Variants in SERHL2 observed in about 807,000 individuals in gnomAD.
The protein encoded by SERHL2 is serine hydrolase-like protein 2.
In SERHL2, 29 loss-of-function variants were observed where a neutral mutation model predicts 25.5. That is an observed-to-expected ratio of 1.14 (90% CI 0.85 to 1.55). The LOEUF (loss-of-function observed/expected upper bound fraction) is 1.55. SERHL2 is among the 40% of genes most tolerant of loss of function. SERHL2 has a pLI of 0.00. For synonymous variants in SERHL2, 95 were observed against 103.5 expected (o/e 0.92, Z 0.50); for missense variants, 240 against 252.3 (o/e 0.95, Z 0.33).
chr22:42,560,346 G>C (rs1922534314), intron 8 of SERHL2, 81 bp downstream of exon 8: 1 of 1,051,592 alleles, frequency 9.5e-7, no homozygotes, highest in East Asian at 2.4e-5. Context: ...CTTAGACCAG[G>C]CAGGATACTA....
In SERHL2 at chr22:42,571,424, C is replaced by T. The variant is rs1024857909; in HGVS notation, c.731+221C>T. 3.6e-6 allele frequency: 5 copies of T among 1,386,580 alleles called. No homozygotes were observed. The East Asian group carries it at 1.5e-4, about 41-fold the overall frequency. 85.9% of individuals were successfully genotyped at this position (1,386,580 alleles called of 1,614,324 possible). A position where few individuals can be genotyped will look rare whatever the true frequency, so the allele number is the denominator to read the frequency against. ...GCAGCAGGGGATGGGCCGGGGCTGTCCCATGCCTTTCCACAGGTGTCAGCG... is the reference window on the plus strand; with the variant it reads ...GCAGCAGGGGATGGGCCGGGGCTGTTCCATGCCTTTCCACAGGTGTCAGCG... On this transcript the variant is annotated intron_variant, in intron 10 of 11. Transcript: ENST00000327678.
At chr22:42,572,689 C>T in intron 11 of SERHL2, 160 bp downstream of exon 11, 1 of 984,702 alleles carries the variant, frequency 1.0e-6, no homozygotes, top group Non-Finnish European at 1.2e-6. Context: ...TGTGGTCAGT[C>T]CCTAGAGGCC....
intron 6 of SERHL2, among the ~76,000 whole-genome samples, chr22:42,557,637 T>A (rs2146673062): frequency 2.9e-5 from 1 of 34,296 alleles, no homozygotes; most frequent in African/African-American, 5.9e-5. Context: ...TGTCACCACA[T>A]CCCCAATCCT....
chr22:42,572,891 A>C (rs1924433829), intron 11 of SERHL2: 9 of 234,692 alleles, frequency 3.8e-5, no homozygotes, highest in Non-Finnish European at 4.9e-5. Flanking sequence ...GCTGGTCTCA[A>C]ACTCCTGACC....
At chr22:42,554,572 A>G (rs1322917231) in intron 1 of SERHL2, among the ~76,000 whole-genome samples, 2 of 152,140 alleles carry the variant, frequency 1.3e-5, no homozygotes, top group East Asian at 1.9e-4. Context: ...TTTTACAGGA[A>G]AGGAAACAGG....
chr22:42,569,689 A>C (rs1218312478), intron 9 of SERHL2: 1 of 151,902 alleles, frequency 6.6e-6, no homozygotes, highest in Non-Finnish European at 1.5e-5. Context: ...CTGACATATG[A>C]GAACACGCAG....
At chr22:42,571,349 C>G in intron 10 of SERHL2, 146 bp downstream of exon 10, 7 of 1,482,440 alleles carry the variant, frequency 4.7e-6, no homozygotes, top group Middle Eastern at 4.5e-4. Context: ...GGAAGCCCCC[C>G]TGGCAGCAGG....
chr22:42,571,203 A>G lies in SERHL2; in HGVS notation c.731A>G (p.Lys244Arg), dbSNP rs1427653429. 2.5e-6 allele frequency: 4 copies of G among 1,603,736 alleles called. No individual in the cohort carries two copies. Among genetic ancestry groups the G allele is most frequent in the Non-Finnish European group, 2.6e-6 (3 of 1,172,134 alleles). The change falls in exon 10 of 12, where the codon AAA becomes AGA. Residue 244 changes from lysine to arginine, a missense_variant and splice_region_variant. Transcript: ENST00000327678. ...CTGCAGGCCCATGTCCTGTTGATCA[A>G]GTAAGTCTGGACCCATCCCCTTCAG... Reference protein sequence around the residue: ...RKLQAHVLLIKAVHGYFDSRQ... With the variant: ...RKLQAHVLLIRAVHGYFDSRQ...
At position 42,566,284 on chromosome 22, in the gene SERHL2, C is replaced by G. The variant is rs775609800; in HGVS notation, c.614-20C>G. 6.2e-7 allele frequency: 1 copy of G among 1,610,640 alleles called. No homozygotes were observed. The stretch of plus-strand genomic sequence containing the variant: ...TGATGGACAGCATTGACGCTGCTGT[C>G]TTTGTGCTTCCGCCTCCAGGTCTGG... On this transcript the variant is annotated intron_variant, in intron 8 of 11. Transcript: ENST00000327678.
At chr22:42,570,901 A>G (rs973991232) in intron 9 of SERHL2, among the ~76,000 whole-genome samples, 1 of 152,006 alleles carries the variant, frequency 6.6e-6, no homozygotes, top group Non-Finnish European at 1.5e-5. Flanking sequence ...CCACGAGCCC[A>G]GGAAGAAGGG....
intron 11 of SERHL2, chr22:42,573,728 G>C (rs1170202612): frequency 3.2e-6 from 2 of 625,020 alleles, no homozygotes; most frequent in African/African-American, 3.7e-5. Context: ...ACCCCTGGGA[G>C]GCCTCCAAGT....
intron 11 of SERHL2, 62 bp downstream of exon 11, chr22:42,572,591 C>G (rs192274851): frequency 1.9e-6 from 3 of 1,586,102 alleles, no homozygotes; most frequent in East Asian, 2.3e-5. Flanking sequence ...CCCACCTCAC[C>G]CATCTCTTCT....
intron 9 of SERHL2, among the ~76,000 whole-genome samples, chr22:42,570,554 C>G (rs1379165358): frequency 2.6e-5 from 4 of 152,206 alleles, no homozygotes; most frequent in Admixed American, 2.6e-4. Context: ...ACACCTACAG[C>G]ACATCTCACT....
chr22:42,561,707 C>T (rs1176531687), intron 8 of SERHL2, among the ~76,000 whole-genome samples: 3 of 151,934 alleles, frequency 2.0e-5, no homozygotes, highest in Admixed American at 1.3e-4. Flanking sequence ...CAGAAATGGA[C>T]AGCATCCCCC....
intron 9 of SERHL2, among the ~76,000 whole-genome samples, chr22:42,566,926 G>A (rs1051380995): frequency 6.6e-6 from 1 of 152,222 alleles, no homozygotes; most frequent in African/African-American, 2.4e-5. Context: ...CCCTCTCTGA[G>A]CCTTGGTTGT....
chr22:42,572,582 C>A, intron 11 of SERHL2, 53 bp downstream of exon 11: 1 of 1,593,326 alleles, frequency 6.3e-7, no homozygotes, highest in Non-Finnish European at 8.6e-7. Context: ...CACTCTGGTC[C>A]CACCTCACCC....
chr22:42,566,549 C>G (rs895405148), intron 9 of SERHL2, among the ~76,000 whole-genome samples: 1 of 144,896 alleles, frequency 6.9e-6, no homozygotes, highest in Non-Finnish European at 1.5e-5. Flanking sequence ...GAGCGAGACT[C>G]CATCTCAAGA....
chr22:42,571,944 CGGGGGGTGGGGTGG>C (rs1924271896), intron 10 of SERHL2: 1 of 11,850 alleles, frequency 8.4e-5, no homozygotes, highest in Admixed American at 9.4e-4. Flanking sequence ...GGGCGGGGGG[CGGGGGGTGGGGTGG>C]GGTGTGTGTG....
Position 42,560,220 on chromosome 22 carries a change from T to G in SERHL2, c.568T>G (p.Cys190Gly), listed in dbSNP as rs367748289. The change falls in exon 8 of 12, where the codon TGC (cysteine) becomes GGC (glycine). Residue 190 changes from cysteine to glycine, a missense_variant. Around this residue, in one of 4 missense-constraint regions of SERHL2, gnomAD observed 212 missense variants for 168.9 expected, o/e 1.25. Transcript: ENST00000327678. ...GAGCAATAGCCACTTGAGTGAGGAGTGCGGGGAGCTTCTCCTGCAAAGAGG... is the reference window on the plus strand; with the variant it reads ...GAGCAATAGCCACTTGAGTGAGGAGGGCGGGGAGCTTCTCCTGCAAAGAGG... ...LKSNSHLSEE[C>G]GELLLQRGTT... is the part of the protein sequence containing the mutation. 6 of 1,612,732 alleles carry G rather than the reference T, an allele frequency of 3.7e-6. No individual in the cohort carries two copies. Among genetic ancestry groups the G allele is most frequent in the Admixed American group, 3.3e-5 (2 of 59,964 alleles).
Sources: gnomAD v4.1 joint callset for allele counts (sites outside exome capture counted in the v4.1 genomes callset) on GRCh38, gnomAD v4.1.1 for gene constraint, gnomAD v4.1.1 regional missense constraint, MANE v1.5 for transcripts, NCBI Gene and HGNC (gene_info 2026-07-23, HGNC 2026-07-21) for gene names.